Variants in NEGR1 observed in about 807,000 individuals in gnomAD.
NEGR1 encodes IgLON family member 4.
In NEGR1, 10 loss-of-function variants were observed where a neutral mutation model predicts 40.9. That is an observed-to-expected ratio of 0.24 (90% CI 0.15 to 0.42). NEGR1 has a LOEUF of 0.42. Among genes scored for constraint, NEGR1 ranks in the 10% least tolerant of loss-of-function variants. The pLI, the probability that NEGR1 is intolerant of heterozygous loss-of-function variation, is 1.00. For synonymous variants in NEGR1, 185 were observed against 166.8 expected (o/e 1.11, Z -0.84); for missense variants, 352 against 438.9 (o/e 0.80, Z 1.77).
intron 1 of NEGR1, among the ~76,000 whole-genome samples, chr1:72,252,885 T>C (rs1360886334): frequency 6.6e-6 from 1 of 152,154 alleles, no homozygotes; most frequent in Non-Finnish European, 1.5e-5. Context: ...AGGTGAAATT[T>C]TCGAAGTTTA....
chr1:72,025,653 G>A (rs1184592044), intron 1 of NEGR1, among the ~76,000 whole-genome samples: 2 of 152,112 alleles, frequency 1.3e-5, no homozygotes, highest in South Asian at 2.1e-4. Flanking sequence ...ATAAAGCAGA[G>A]TTTTAATTTC....
chr1:71,575,805 A>AAAAC (rs1161213083), intron 6 of NEGR1, among the ~76,000 whole-genome samples: 1 of 152,062 alleles, frequency 6.6e-6, no homozygotes, highest in Non-Finnish European at 1.5e-5. Context: ...AAAACAAAAC[A>AAAAC]AAACAAAACA....
intron 6 of NEGR1, among the ~76,000 whole-genome samples, chr1:71,414,488 A>G (rs1164036199): frequency 6.6e-6 from 1 of 152,176 alleles, no homozygotes; most frequent in African/African-American, 2.4e-5. Flanking sequence ...GGATTATAGT[A>G]TCTGGAAGAA....
intron 1 of NEGR1, among the ~76,000 whole-genome samples, chr1:72,087,547 A>G (rs1193816062): frequency 1.3e-5 from 2 of 151,790 alleles, no homozygotes; most frequent in Non-Finnish European, 1.5e-5. Context: ...ACCCATCAGA[A>G]CTACAGTGAT....
At chr1:71,913,823 T>C (rs1191880670) in intron 2 of NEGR1, among the ~76,000 whole-genome samples, 1 of 148,984 alleles carries the variant, frequency 6.7e-6, no homozygotes, top group Non-Finnish European at 1.5e-5. Flanking sequence ...TTGCAAACTC[T>C]AGTAACACAA....
At chr1:71,500,388 T>C (rs1487023675) in intron 6 of NEGR1, among the ~76,000 whole-genome samples, 4 of 152,060 alleles carry the variant, frequency 2.6e-5, no homozygotes, top group African/African-American at 9.7e-5. Context: ...ACCAGGACTC[T>C]AGTTTTTATT....
At chr1:71,508,893 C>G (rs143380899) in intron 6 of NEGR1, among the ~76,000 whole-genome samples, 1 of 152,174 alleles carries the variant, frequency 6.6e-6, no homozygotes, top group African/African-American at 2.4e-5. Context: ...AGTAGCATCA[C>G]GGGTATATGG....
intron 6 of NEGR1, 146 bp downstream of exon 6, chr1:71,592,671 T>C (rs1203192379): frequency 1.8e-6 from 1 of 565,972 alleles, no homozygotes; most frequent in Non-Finnish European, 3.1e-6. Context: ...AAAGTTTCCA[T>C]GTGTAAGGAT....
At chr1:72,091,785 A>G (rs1380383602) in intron 1 of NEGR1, among the ~76,000 whole-genome samples, 1 of 152,144 alleles carries the variant, frequency 6.6e-6, no homozygotes, top group Non-Finnish European at 1.5e-5. Flanking sequence ...TTAATTTCTC[A>G]CAGCCCTGGA....
At chr1:71,457,863 A>G (rs967619293) in intron 6 of NEGR1, among the ~76,000 whole-genome samples, 25 of 151,716 alleles carry the variant, frequency 1.6e-4, no homozygotes, top group Non-Finnish European at 2.9e-4. Flanking sequence ...CACCACGCCC[A>G]GCTAATTTTT....
rs77920992 is a variant in NEGR1 at position 71,999,083 on chromosome 1, C to A, written c.177-63772G>T. Among the ~76,000 whole-genome samples, 3 of 151,976 alleles carry A rather than the reference C, an allele frequency of 2.0e-5. No individual in the cohort carries two copies. The East Asian group carries it at 5.8e-4, about 29-fold the overall frequency. ...ATCTATGAAACACACAAATGCCAGG[C>A]TTTACTATGGTTTTAGGTTTGCCTC... is the stretch of plus-strand genomic sequence containing the variant. On this transcript the variant is annotated intron_variant, in intron 1 of 6. Coordinates refer to ENST00000357731, the MANE Select transcript of NEGR1 (RefSeq NM_173808.3).
chr1:71,986,116 A>T (rs1021442513), intron 1 of NEGR1, among the ~76,000 whole-genome samples: 2 of 152,212 alleles, frequency 1.3e-5, no homozygotes, highest in Admixed American at 1.3e-4. Context: ...AGACATAGCT[A>T]ATTAAATTTG....
chr1:71,827,003 C>T (rs1039369164), intron 2 of NEGR1, among the ~76,000 whole-genome samples: 10 of 151,696 alleles, frequency 6.6e-5, no homozygotes, highest in African/African-American at 2.4e-4. Flanking sequence ...ATAATAGGGC[C>T]TTTAGCAAGC....
At chr1:72,148,458 G>A (rs1185673805) in intron 1 of NEGR1, among the ~76,000 whole-genome samples, 1 of 151,974 alleles carries the variant, frequency 6.6e-6, no homozygotes, top group Non-Finnish European at 1.5e-5. Flanking sequence ...ATGGTGTTGG[G>A]GACTAACATT....
intron 4 of NEGR1, among the ~76,000 whole-genome samples, chr1:71,687,086 G>A (rs1022671684): frequency 6.6e-6 from 1 of 152,182 alleles, no homozygotes; most frequent in Non-Finnish European, 1.5e-5. Flanking sequence ...CTAGGTCAAA[G>A]TATGATTTAT....
intron 5 of NEGR1, among the ~76,000 whole-genome samples, chr1:71,608,169 G>A (rs1026179979): frequency 6.6e-5 from 10 of 152,184 alleles, no homozygotes; most frequent in East Asian, 3.9e-4. Flanking sequence ...GAGAATTTGA[G>A]TATTGCCTCA....
intron 1 of NEGR1, among the ~76,000 whole-genome samples, chr1:72,198,873 T>C (rs183479593): frequency 1.2e-3 from 187 of 152,124 alleles, no homozygotes; most frequent in Non-Finnish European, 2.2e-3. Context: ...TTGACAAATA[T>C]CAATTGAATA....
chr1:72,080,364 C>T (rs995922680), intron 1 of NEGR1, among the ~76,000 whole-genome samples: 15 of 151,736 alleles, frequency 9.9e-5, no homozygotes, highest in Non-Finnish European at 2.9e-5. Context: ...ATATATCTTC[C>T]AGATTTATCG....
At chr1:72,275,313 G>A (rs1181770999) in intron 1 of NEGR1, among the ~76,000 whole-genome samples, 1 of 151,868 alleles carries the variant, frequency 6.6e-6, no homozygotes, top group African/African-American at 2.4e-5. Context: ...ATTTGATAAT[G>A]ATTATGACTG....
Sources: allele counts gnomAD v4.1 joint callset (sites outside exome capture counted in the v4.1 genomes callset), GRCh38; gene constraint gnomAD v4.1.1; transcripts MANE v1.5; gene names NCBI Gene and HGNC (gene_info 2026-07-23, HGNC 2026-07-21).